DCTN3: variants seen among roughly 807,000 people sequenced by gnomAD.
DCTN3 encodes the protein dynactin 3 (p22).
DCTN3 carries 25 observed loss-of-function variants against 28.4 expected under a neutral mutation model. That is an observed-to-expected ratio of 0.88 (90% CI 0.64 to 1.23). DCTN3 has a LOEUF of 1.23. Ranked by LOEUF, DCTN3 falls within the 50% of genes most tolerant of loss-of-function variation. DCTN3 has a pLI of 0.00. For missense variants in DCTN3, 229 were observed against 232.0 expected (o/e 0.99, Z 0.08); for synonymous variants, 81 against 91.4 (o/e 0.89, Z 0.65).
chr9:34,620,272 G>T, intron 1 of DCTN3, 97 bp downstream of exon 1: 1 of 1,056,188 alleles, frequency 9.5e-7, no homozygotes, highest in East Asian at 2.4e-5. Flanking sequence ...AGGCCGGGCT[G>T]CGGAGAACAG....
intron 4 of DCTN3, 44 bp from the exon 5 acceptor site, chr9:34,614,812 C>T: frequency 6.2e-7 from 1 of 1,610,494 alleles, no homozygotes; most frequent in Non-Finnish European, 8.5e-7. Context: ...TTGTGCCCTC[C>T]CCCGGGACTG....
rs745585313 is a variant in DCTN3 at position 34,613,848 on chromosome 9, G to A, written c.495C>T (p.Phe165=). The change falls in exon 7 of 7, where the codon TTC becomes TTT. Residue 165 remains phenylalanine (F), a synonymous_variant. Transcript: ENST00000259632. ...GGCAAAGTAGCTCATCCCACTGCAC[G>A]AATTGCTTGGAGAGAAGCATTGTCT... ...NKTTMLLSKQ[F]VQWDELLCQL... is the part of the protein sequence containing the mutation. 67 of 1,613,988 alleles carry A rather than the reference G, an allele frequency of 4.2e-5. No individual in the cohort carries two copies. The highest frequency in any genetic ancestry group is 5.4e-5 in the Non-Finnish European group (64 of 1,180,020).
At chr9:34,618,105 C>G in intron 2 of DCTN3, 134 bp from the exon 3 acceptor site, 1 of 788,750 alleles carries the variant, frequency 1.3e-6, no homozygotes, top group Non-Finnish European at 2.0e-6. Context: ...GCCACATGAG[C>G]AGGGCTCCAC....
At position 34,616,067 on chromosome 9, in the gene DCTN3, A is replaced by T; in HGVS notation, c.315T>A (p.Asn105Lys). ...CACTGTCCAGCATGGGCACCAAGGC[A>T]TTCACCTGCTCCAGGAGTGCAACCT... ...LSQVALLEQV[N>K]ALVPMLDSAH... is the part of the protein sequence containing the mutation. The change falls in exon 4 of 7, where the codon AAT becomes AAA. Residue 105 changes from asparagine (N) to lysine (K), a missense_variant. Asn to Lys is a moderately conservative substitution (Grantham distance 94). Coordinates refer to ENST00000259632, the MANE Select transcript of DCTN3 (RefSeq NM_007234.5). The surrounding 1 kb of genome is among the most constrained non-coding windows in gnomAD (Gnocchi z 4.7). 6.2e-7 allele frequency: 1 copy of T among 1,614,134 alleles called. No individual in the cohort carries two copies.
intron 2 of DCTN3, among the ~76,000 whole-genome samples, chr9:34,618,446 G>C (rs1820473213): frequency 6.6e-6 from 1 of 152,228 alleles, no homozygotes; most frequent in Non-Finnish European, 1.5e-5. Context: ...CTTTCAGGTA[G>C]AGCTCTTATT....
At position 34,613,783 on chromosome 9, in the gene DCTN3, C is replaced by T; in HGVS notation, c.560G>A (p.Ter187=). 1 of 1,613,800 alleles carries T rather than the reference C, an allele frequency of 6.2e-7. No homozygotes were observed. Among genetic ancestry groups the T allele is most frequent in the Non-Finnish European group, 8.5e-7 (1 of 1,179,860 alleles). ...CCACTTTGGGATGGGGAGCAGCTAT[C>T]ACTCCTCTGCTGGCTTCACTTGCGT... ...AATQVKPAEE[*] Residue 187 remains the stop codon, a stop_retained_variant, in exon 7 of 7, where the codon TGA becomes TAA. Coordinates refer to ENST00000259632, the MANE Select transcript of DCTN3 (RefSeq NM_007234.5).
At chr9:34,619,628 A>G (rs1324126272) in intron 1 of DCTN3, among the ~76,000 whole-genome samples, 1 of 152,174 alleles carries the variant, frequency 6.6e-6, no homozygotes, top group Non-Finnish European at 1.5e-5. Flanking sequence ...ATCCCAAAGG[A>G]AGAGAATGTT....
Position 34,616,051 on chromosome 9 carries a change from G to A in DCTN3, c.331C>T (p.Leu111=), listed in dbSNP as rs139337175. The A allele has an allele frequency of 4.3e-5, 70 of 1,614,100 alleles. No homozygotes were observed. Among genetic ancestry groups the A allele is most frequent in the Non-Finnish European group, 5.3e-5 (62 of 1,179,966 alleles). The change falls in exon 4 of 7, where the codon CTG becomes TTG. Residue 111 remains leucine, a synonymous_variant. Coordinates refer to ENST00000259632, the MANE Select transcript of DCTN3 (RefSeq NM_007234.5). This position sits in a 1 kb window ranked among gnomAD's most constrained non-coding sequence, Gnocchi z 4.7. ...ATACCTTTGATGTGAGCACTGTCCA[G>A]CATGGGCACCAAGGCATTCACCTGC... ...LEQVNALVPM[L]DSAHIKAVPE... is the part of the protein sequence containing the mutation.
At chr9:34,615,899 C>CAA (rs35159161) in intron 4 of DCTN3, 131 bp downstream of exon 4, 26,798 of 446,512 alleles carry the variant, frequency 0.06, 1 homozygote, top group East Asian at 0.11. Context: ...CGACTCTGTC[C>CAA]AAAAAAAAAA....
Position 34,613,599 on chromosome 9 carries a change from A to G in DCTN3, c.*183T>C. The G allele has an allele frequency of 1.8e-6, 1 of 543,014 alleles. No individual in the cohort carries two copies. Among genetic ancestry groups the G allele is most frequent in the Non-Finnish European group, 3.1e-6 (1 of 317,556 alleles). The allele number at this position is 543,014 out of a possible 1,614,324, so 33.6% of individuals were successfully genotyped here. A position where few individuals can be genotyped will look rare whatever the true frequency, so the allele number is the denominator to read the frequency against. On this transcript the variant is annotated 3_prime_UTR_variant, in exon 7 of 7. Transcript: ENST00000259632. ...TGAAATAAGAACACTGATTGGGGGG[A>G]GGGTGGGTGTTGCAAATTGCAAACC...
intron 1 of DCTN3, 68 bp downstream of exon 1, chr9:34,620,301 C>T (rs1820524350): frequency 7.0e-7 from 1 of 1,424,780 alleles, no homozygotes; most frequent in South Asian, 1.2e-5. Context: ...CGGTTGCATC[C>T]CGAGGGCCAG....
chr9:34,617,160 G>A (rs1053637678), intron 3 of DCTN3, among the ~76,000 whole-genome samples: 3 of 152,066 alleles, frequency 2.0e-5, no homozygotes, highest in Admixed American at 6.5e-5. Flanking sequence ...AGCAGGAGTG[G>A]CCCATCCTTA....
intron 5 of DCTN3, chr9:34,614,405 A>G (rs766920651): frequency 7.8e-6 from 5 of 642,318 alleles, no homozygotes; most frequent in Non-Finnish European, 1.0e-5. Context: ...AGGGCCTGGG[A>G]ATAGTGAAAA....
intron 5 of DCTN3, chr9:34,614,388 T>C (rs1820374673): frequency 1.5e-6 from 1 of 659,940 alleles, no homozygotes; most frequent in Admixed American, 3.0e-5. Flanking sequence ...TCTTTGAACT[T>C]TACACTAGGG....
chr9:34,614,658 T>C, intron 5 of DCTN3, 52 bp downstream of exon 5: 14 of 1,593,056 alleles, frequency 8.8e-6, no homozygotes, highest in Non-Finnish European at 1.0e-5. Flanking sequence ...TGAGTTGGGA[T>C]GAGGTGCTGC....
Position 34,618,660 on chromosome 9 carries a change from T to A in DCTN3, c.181+16A>T. 1 of 1,609,526 alleles carries A rather than the reference T, an allele frequency of 6.2e-7. No individual in the cohort carries two copies. Among genetic ancestry groups the A allele is most frequent in the Non-Finnish European group, 8.5e-7 (1 of 1,175,870 alleles). ...GTGGGATGTCGGGCAGGCAGGCACA[T>A]CATGGAAGCACTTACTCTTTTTGTA... On this transcript the variant is annotated intron_variant, in intron 2 of 6. Transcript: ENST00000259632.
chr9:34,614,831 T>G (rs1022715692), intron 4 of DCTN3, 63 bp from the exon 5 acceptor site: 18 of 1,585,990 alleles, frequency 1.1e-5, no homozygotes, highest in East Asian at 9.0e-5. Context: ...TGCTCAATAG[T>G]CTATTAGGTC....
chr9:34,618,616 G>C, intron 2 of DCTN3, 60 bp downstream of exon 2: 1 of 1,350,540 alleles, frequency 7.4e-7, no homozygotes, highest in Non-Finnish European at 1.1e-6. Context: ...GCTAGGGCCA[G>C]GTACCAGGAA....
chr9:34,614,213 GCTTAACC>G (rs1236495237), intron 5 of DCTN3, 112 bp from the exon 6 acceptor site: 2 of 1,595,270 alleles, frequency 1.3e-6, no homozygotes, highest in African/African-American at 1.3e-5. Flanking sequence ...AAAAGATGAC[GCTTAACC>G]CCAAAGCCAA....
Sources: gnomAD v4.1 joint callset for allele counts (sites outside exome capture counted in the v4.1 genomes callset) on GRCh38, gnomAD v4.1.1 for gene constraint, Gnocchi (gnomAD v3.1) non-coding constraint, MANE v1.5 for transcripts, NCBI Gene and HGNC (gene_info 2026-07-23, HGNC 2026-07-21) for gene names.